Variants in CERS6 observed in about 807,000 individuals in gnomAD.
CERS6 encodes the protein LAG1 homolog, ceramide synthase 6.
Under a neutral mutation model 56.8 loss-of-function variants are expected in CERS6, and 26 were observed. The ratio of observed to expected loss-of-function variants is 0.46; its 90% CI spans 0.34 to 0.63. The LOEUF is 0.63. Ranked by LOEUF, CERS6 falls within the 30% of genes least tolerant of loss-of-function variation. The pLI is 0.01. For missense variants in CERS6, 415 were observed against 467.5 expected, an observed-to-expected ratio of 0.89 and a Z score of 1.04; for synonymous variants, 164 against 173.3, an observed-to-expected ratio of 0.95 and a Z score of 0.42.
chr2:168,532,274 A>T (rs1184172174), intron 1 of CERS6, among the ~76,000 whole-genome samples: 1 of 152,114 alleles, frequency 6.6e-6, no homozygotes, highest in Non-Finnish European at 1.5e-5. Flanking sequence ...ACAGAGTGTA[A>T]TTATGATTTT....
intron 3 of CERS6, among the ~76,000 whole-genome samples, chr2:168,583,878 G>A (rs141585875): frequency 2.7e-4 from 41 of 152,322 alleles, no homozygotes; most frequent in African/African-American, 9.6e-4. Context: ...TCTGTTTGGC[G>A]ATTATTGTAA....
At chr2:168,697,275 C>G (rs1032335929) in intron 6 of CERS6, among the ~76,000 whole-genome samples, 1 of 152,128 alleles carries the variant, frequency 6.6e-6, no homozygotes, top group Non-Finnish European at 1.5e-5. Context: ...CTTTGACACC[C>G]GTAATTTGTG....
chr2:168,681,489 T>A (rs1358011920), intron 4 of CERS6, among the ~76,000 whole-genome samples: 4 of 152,282 alleles, frequency 2.6e-5, no homozygotes, highest in Admixed American at 2.0e-4. Flanking sequence ...TAAAAATTAT[T>A]CTCATTCTTG....
At chr2:168,639,041 TAAA>T (rs1016397204) in intron 4 of CERS6, among the ~76,000 whole-genome samples, 51 of 147,824 alleles carry the variant, frequency 3.5e-4, no homozygotes, top group African/African-American at 1.1e-3. Context: ...ACTCTAGAAA[TAAA>T]AAAAAAAGAA....
intron 3 of CERS6, among the ~76,000 whole-genome samples, chr2:168,603,791 G>GA (rs1172545568): frequency 2.0e-5 from 3 of 152,176 alleles, no homozygotes; most frequent in Non-Finnish European, 4.4e-5. Context: ...TGGCTGTTAG[G>GA]AGCTTAAAGA....
chr2:168,484,165 C>CTTTTTTTTTTTTTTTTT (rs1694229616), intron 1 of CERS6, among the ~76,000 whole-genome samples: 2 of 46,386 alleles, frequency 4.3e-5, no homozygotes, highest in Non-Finnish European at 9.1e-5. Flanking sequence ...TTTCTTTTTT[C>CTTTTTTTTTTTTTTTTT]TGTTTTTTTT....
intron 4 of CERS6, among the ~76,000 whole-genome samples, chr2:168,643,183 A>G (rs535762327): frequency 6.6e-6 from 1 of 150,818 alleles, no homozygotes; most frequent in Non-Finnish European, 1.5e-5. Context: ...CCTCACCTCA[A>G]TTTTTACTTA....
intron 1 of CERS6, among the ~76,000 whole-genome samples, chr2:168,544,312 A>G (rs1695423569): frequency 6.6e-6 from 1 of 152,194 alleles, no homozygotes; most frequent in African/African-American, 2.4e-5. Flanking sequence ...TGGGAAAGAA[A>G]TATACTGTCT....
chr2:168,542,275 G>A (rs4668072), intron 1 of CERS6, among the ~76,000 whole-genome samples: 144,401 of 152,300 alleles, frequency 0.95, 68,938 homozygotes, highest in East Asian at 1. Context: ...CTAAGAAATA[G>A]TACAATGAGA....
chr2:168,517,213 C>T (rs926138160), intron 1 of CERS6, among the ~76,000 whole-genome samples: 4 of 151,498 alleles, frequency 2.6e-5, no homozygotes, highest in African/African-American at 4.9e-5. Flanking sequence ...AAGCAGAGGC[C>T]GGGCACAGTG....
intron 1 of CERS6, among the ~76,000 whole-genome samples, chr2:168,494,162 T>C (rs1045040216): frequency 2.6e-5 from 4 of 152,160 alleles, no homozygotes; most frequent in African/African-American, 7.2e-5. Flanking sequence ...ATTTTGGCAA[T>C]TGTAATTACA....
intron 1 of CERS6, among the ~76,000 whole-genome samples, chr2:168,502,683 C>T (rs111754397): frequency 2.0e-5 from 3 of 152,366 alleles, no homozygotes; most frequent in Non-Finnish European, 4.4e-5. Context: ...TCCAAAGGCA[C>T]ATCTGCTGTC....
intron 3 of CERS6, among the ~76,000 whole-genome samples, chr2:168,586,118 G>A (rs1204200990): frequency 6.6e-6 from 1 of 151,620 alleles, no homozygotes; most frequent in Non-Finnish European, 1.5e-5. Flanking sequence ...CAGTTAGCTG[G>A]GACTACAGGC....
chr2:168,565,507 G>A (rs1483713085), intron 3 of CERS6, among the ~76,000 whole-genome samples: 2 of 152,118 alleles, frequency 1.3e-5, no homozygotes, highest in Non-Finnish European at 2.9e-5. Flanking sequence ...AAAATGTAAA[G>A]GATCTATATA....
chr2:168,527,757 A>G (rs918503868), intron 1 of CERS6, among the ~76,000 whole-genome samples: 1 of 152,022 alleles, frequency 6.6e-6, no homozygotes, highest in African/African-American at 2.4e-5. Context: ...GTTTGGCGCT[A>G]TTGCCCAGGC....
intron 4 of CERS6, among the ~76,000 whole-genome samples, chr2:168,655,474 A>C (rs938907499): frequency 1.3e-5 from 2 of 152,256 alleles, no homozygotes; most frequent in Non-Finnish European, 2.9e-5. Context: ...ATATGGAAAC[A>C]ACCTCAGTGT....
At chr2:168,609,789 G>A (rs907684331) in intron 3 of CERS6, among the ~76,000 whole-genome samples, 4 of 152,004 alleles carry the variant, frequency 2.6e-5, no homozygotes, top group South Asian at 2.1e-4. Context: ...TTTCCTTGCC[G>A]CTTACCCAGA....
chr2:168,645,685 C>G (rs1265902027), intron 4 of CERS6, among the ~76,000 whole-genome samples: 1 of 152,136 alleles, frequency 6.6e-6, no homozygotes, highest in Admixed American at 6.5e-5. Context: ...TCCTCTCCTT[C>G]CTCCCACCCA....
chr2:168,667,559 G>A (rs60976607), intron 4 of CERS6, among the ~76,000 whole-genome samples: 10,357 of 152,036 alleles, frequency 0.068, 429 homozygotes, highest in Non-Finnish European at 0.092. Context: ...TGCTTCTGTT[G>A]GCTATTAGGC....
Sources: gnomAD v4.1 joint callset for allele counts (sites outside exome capture counted in the v4.1 genomes callset) on GRCh38, gnomAD v4.1.1 for gene constraint, MANE v1.5 for transcripts, NCBI Gene and HGNC (gene_info 2026-07-23, HGNC 2026-07-21) for gene names.